AGMO: variants seen among roughly 807,000 people sequenced by gnomAD.
AGMO encodes glyceryl-ether monooxygenase.
Under a neutral mutation model 60.2 loss-of-function variants are expected in AGMO, and 75 were observed. The ratio of observed to expected loss-of-function variants is 1.25; its 90% CI spans 1.03 to 1.51. AGMO has a LOEUF of 1.51. Ranked by LOEUF, AGMO falls within the 40% of genes most tolerant of loss-of-function variation. The probability of loss-of-function intolerance (pLI) is 0.00; values close to 1 mark genes in which losing one functional copy is unlikely to be tolerated. For synonymous variants in AGMO, 261 were observed against 177.1 expected, an observed-to-expected ratio of 1.47 and a Z score of -3.76; for missense variants, 763 against 525.5, an observed-to-expected ratio of 1.45 and a Z score of -4.42.
In AGMO at chr7:15,390,913, A is replaced by G; in HGVS notation, c.677-8T>C. ...TGCAATAACGATTTCTGCCTATGAG[A>G]CAAAATATTAGAAATTTTTTTTCAG... On this transcript the variant is annotated splice_polypyrimidine_tract_variant and splice_region_variant and intron_variant, in intron 6 of 12. Transcript: ENST00000342526. 1.3e-6 allele frequency: 2 copies of G among 1,563,680 alleles called. No homozygotes were observed. The highest frequency in any genetic ancestry group is 1.7e-6 in the Non-Finnish European group (2 of 1,150,742).
the AGMO span, among the ~76,000 whole-genome samples, chr7:15,128,312 A>G: frequency 6.6e-6 from 1 of 152,298 alleles, no homozygotes; most frequent in Non-Finnish European, 1.5e-5. Flanking sequence ...AAAGGAAGAG[A>G]TGAATTTAAT....
At chr7:15,163,583 GT>G in the AGMO span, among the ~76,000 whole-genome samples, 1 of 151,856 alleles carries the variant, frequency 6.6e-6, no homozygotes, top group Non-Finnish European at 1.5e-5. Context: ...ATGACCTATG[GT>G]TTTTTATTTT....
At chr7:15,196,113 G>T (rs1583283135), downstream of AGMO, among the ~76,000 whole-genome samples, 2 of 151,574 alleles carry the variant, frequency 1.3e-5, no homozygotes, top group South Asian at 4.2e-4. Context: ...TGTGATCTCG[G>T]CTCACTGCAA....
intron 2 of AGMO, among the ~76,000 whole-genome samples, chr7:15,553,675 G>C (rs1326376853): frequency 6.6e-6 from 1 of 151,968 alleles, no homozygotes; most frequent in Non-Finnish European, 1.5e-5. Context: ...CTCAATAACA[G>C]ACTGAAGGTC....
At chr7:15,184,462 AGAAG>A in the AGMO span, among the ~76,000 whole-genome samples, 1 of 122,974 alleles carries the variant, frequency 8.1e-6, no homozygotes, top group Non-Finnish European at 1.7e-5. Flanking sequence ...AAGGGAGGTA[AGAAG>A]GAAGGAAGGA....
intron 12 of AGMO, among the ~76,000 whole-genome samples, chr7:15,304,255 A>T (rs1780544097): frequency 6.6e-6 from 1 of 152,112 alleles, no homozygotes; most frequent in Non-Finnish European, 1.5e-5. Context: ...CATCTTTTAA[A>T]GTCTCTTTCA....
At chr7:15,173,196 G>A in the AGMO span, among the ~76,000 whole-genome samples, 1 of 151,880 alleles carries the variant, frequency 6.6e-6, no homozygotes, top group African/African-American at 2.4e-5. Context: ...TATATTTATT[G>A]AAGTAAATCT....
At chr7:15,551,354 A>G (rs1457023998) in intron 2 of AGMO, among the ~76,000 whole-genome samples, 2 of 150,166 alleles carry the variant, frequency 1.3e-5, no homozygotes, top group Non-Finnish European at 3.0e-5. Flanking sequence ...AGGGTATTCA[A>G]TTAGGAAAAG....
intron 5 of AGMO, among the ~76,000 whole-genome samples, chr7:15,394,553 TTATG>T (rs1264378099): frequency 1.3e-5 from 2 of 152,156 alleles, no homozygotes; most frequent in Non-Finnish European, 2.9e-5. Flanking sequence ...GTTCTGAGGA[TTATG>T]AATGTTACTG....
chr7:15,322,477 T>TATATAA (rs1781144300), intron 12 of AGMO, among the ~76,000 whole-genome samples: 3 of 79,754 alleles, frequency 3.8e-5, no homozygotes, highest in Non-Finnish European at 7.3e-5. Context: ...AATATATAAA[T>TATATAA]ATATATATAA....
At chr7:15,290,286 C>T (rs1419497145) in intron 12 of AGMO, among the ~76,000 whole-genome samples, 4 of 152,156 alleles carry the variant, frequency 2.6e-5, no homozygotes, top group Middle Eastern at 3.4e-3. Flanking sequence ...CTCGGCCTCC[C>T]GAAGTGTTGG....
At chr7:15,295,364 G>A (rs1784380595) in intron 12 of AGMO, among the ~76,000 whole-genome samples, 1 of 152,022 alleles carries the variant, frequency 6.6e-6, no homozygotes, top group Non-Finnish European at 1.5e-5. Flanking sequence ...TCTGAAGAAA[G>A]GGCAGCAGAT....
At chr7:15,243,027 G>A (rs1039937991) in intron 12 of AGMO, among the ~76,000 whole-genome samples, 2 of 151,918 alleles carry the variant, frequency 1.3e-5, no homozygotes, top group Non-Finnish European at 2.9e-5. Context: ...GGAATTTAAT[G>A]TATCACTTTA....
At chr7:15,526,413 A>G (rs1030379017) in intron 3 of AGMO, among the ~76,000 whole-genome samples, 1 of 152,210 alleles carries the variant, frequency 6.6e-6, no homozygotes, top group African/African-American at 2.4e-5. Context: ...ATCGGAAAGT[A>G]AAGAGTCTCT....
At chr7:15,171,928 C>T in the AGMO span, among the ~76,000 whole-genome samples, 1,055 of 152,216 alleles carry the variant, frequency 6.9e-3, 3 homozygotes, top group Non-Finnish European at 0.012. Flanking sequence ...TATCTAAGTA[C>T]CTATCTCTGT....
At chr7:15,344,709 A>G (rs1006157517) in intron 12 of AGMO, among the ~76,000 whole-genome samples, 3 of 152,122 alleles carry the variant, frequency 2.0e-5, no homozygotes, top group African/African-American at 7.2e-5. Context: ...AAGCAAACAA[A>G]AAACCCAAAA....
At chr7:15,230,883 T>C (rs972112585) in intron 12 of AGMO, among the ~76,000 whole-genome samples, 2 of 152,306 alleles carry the variant, frequency 1.3e-5, no homozygotes, top group East Asian at 1.9e-4. Context: ...CCTCAAACTG[T>C]GTGTCCTTCC....
At chr7:15,387,563 T>C (rs1423940799) in intron 8 of AGMO, 23 bp from the exon 9 acceptor site, 1 of 1,576,940 alleles carries the variant, frequency 6.3e-7, no homozygotes, top group South Asian at 1.2e-5. Flanking sequence ...AAAAAAGAGC[T>C]TATTTCACAT....
At chr7:15,299,887 A>T (rs1000852387) in intron 12 of AGMO, among the ~76,000 whole-genome samples, 22 of 97,370 alleles carry the variant, frequency 2.3e-4, no homozygotes, top group African/African-American at 7.2e-4. Context: ...ACACACACAC[A>T]GTATGTTTTG....
Sources: gnomAD v4.1 joint callset for allele counts (sites outside exome capture counted in the v4.1 genomes callset) on GRCh38, gnomAD v4.1.1 for gene constraint, MANE v1.5 for transcripts, NCBI Gene and HGNC (gene_info 2026-07-23, HGNC 2026-07-21) for gene names.